The following CDYL variants were observed in gnomAD, a reference collection of about 807,000 sequenced individuals.
CDYL encodes the protein chromodomain Y-like protein.
In CDYL, 8 loss-of-function variants were observed where a neutral mutation model predicts 47.3. The ratio of observed to expected loss-of-function variants is 0.17; its 90% CI spans 0.10 to 0.31. The LOEUF (loss-of-function observed/expected upper bound fraction) is 0.31. Ranked by LOEUF, CDYL falls within the 10% of genes least tolerant of loss-of-function variation. The pLI is 1.00. For missense variants in CDYL, 471 were observed against 701.4 expected, an observed-to-expected ratio of 0.67 and a Z score of 3.71; for synonymous variants, 266 against 265.0, an observed-to-expected ratio of 1.00 and a Z score of -0.04.
chr6:4,717,142 G>C (rs1292018815), intron 2 of CDYL, among the ~76,000 whole-genome samples: 2 of 152,274 alleles, frequency 1.3e-5, no homozygotes, highest in African/African-American at 2.4e-5. Context: ...GGAAGAGGTT[G>C]TCGTGGCTGG....
rs183506956 is a variant in CDYL at position 4,877,411 on chromosome 6, C to T, written c.25-14302C>T. On this transcript the variant is annotated intron_variant, in intron 1 of 6. Coordinates refer to ENST00000397588, the MANE Select transcript of CDYL (RefSeq NM_004824.4). ...TGTGACCTGAGGAACTTTTGCCTTC[C>T]CCAAAGTCACAAGGATGACGTTGGT... Among the ~76,000 whole-genome samples the T allele has an allele frequency of 3.2e-3, 494 of 152,146 alleles. 5 individuals carry two copies. Among genetic ancestry groups the T allele is most frequent in the African/African-American group, 0.011 (472 of 41,502 alleles).
intron 1 of CDYL, among the ~76,000 whole-genome samples, chr6:4,874,355 G>A (rs1630478): frequency 0.1 from 15,328 of 152,056 alleles, 2,572 homozygotes; most frequent in African/African-American, 0.35. Context: ...ACGTTATTCA[G>A]TGTTTCTGTT....
chr6:4,931,341 T>A (rs1396923710), intron 2 of CDYL, among the ~76,000 whole-genome samples: 2 of 152,218 alleles, frequency 1.3e-5, no homozygotes, highest in Non-Finnish European at 1.5e-5. Context: ...TATGAAGTGC[T>A]GATGGCAGGG....
chr6:4,860,037 G>T (rs1412420104), intron 1 of CDYL, among the ~76,000 whole-genome samples: 1 of 151,534 alleles, frequency 6.6e-6, no homozygotes, highest in East Asian at 1.9e-4. Flanking sequence ...AAGTAGCTGG[G>T]ACCACAGGCG....
Position 4,854,395 on chromosome 6 carries a change from A to G in CDYL, c.25-37318A>G, listed in dbSNP as rs539169606. On this transcript the variant is annotated intron_variant, in intron 1 of 6. Transcript: ENST00000397588. Reference sequence around the variant, plus strand: ...ATGTATTTACCCCATCAGATCACCAAGTTTGCACTTGAGGTTTCTCCCCAG... The same window carrying G: ...ATGTATTTACCCCATCAGATCACCAGGTTTGCACTTGAGGTTTCTCCCCAG... Among the ~76,000 whole-genome samples the G allele has an allele frequency of 4.6e-5, 7 of 152,258 alleles. No individual in the cohort carries two copies. The South Asian group carries it at 1.5e-3, about 32-fold the overall frequency.
At chr6:4,867,526 G>A (rs568236459) in intron 1 of CDYL, among the ~76,000 whole-genome samples, 1 of 152,084 alleles carries the variant, frequency 6.6e-6, no homozygotes, top group Non-Finnish European at 1.5e-5. Context: ...TTTTGGTCAT[G>A]AAATGGTGTT....
chr6:4,879,421 A>G (rs1276098025), intron 1 of CDYL, among the ~76,000 whole-genome samples: 1 of 152,106 alleles, frequency 6.6e-6, no homozygotes, highest in African/African-American at 2.4e-5. Context: ...AAATGTCCCT[A>G]TTTATGTCTT....
At chr6:4,754,596 A>G (rs1029160687) in intron 3 of CDYL, among the ~76,000 whole-genome samples, 2 of 152,244 alleles carry the variant, frequency 1.3e-5, no homozygotes. Context: ...AAGAAGGAAT[A>G]TCTGAATATT....
intron 1 of CDYL, among the ~76,000 whole-genome samples, chr6:4,847,020 A>G (rs557738598): frequency 2.6e-5 from 4 of 152,354 alleles, no homozygotes; most frequent in South Asian, 2.1e-4. Flanking sequence ...TATTCTGCAC[A>G]CTACGTTTAC....
At chr6:4,894,750 A>G (rs1478091665) in intron 2 of CDYL, among the ~76,000 whole-genome samples, 1 of 152,004 alleles carries the variant, frequency 6.6e-6, no homozygotes, top group Non-Finnish European at 1.5e-5. Context: ...CATCTGACCT[A>G]CTTGGCTCTT....
rs182062673 is a variant in CDYL, at chr6:4,788,210, C to G, written c.24+11403C>G. On this transcript the variant is annotated intron_variant, in intron 1 of 6. Transcript: ENST00000397588. Reference sequence around the variant, plus strand: ...GAACTGTTTAAAAAGGCTTTTCAGGCTGGGTGTAGTGGCTGGCGCCTGTAA... The same window carrying G: ...GAACTGTTTAAAAAGGCTTTTCAGGGTGGGTGTAGTGGCTGGCGCCTGTAA... Among the ~76,000 whole-genome samples the G allele has an allele frequency of 3.4e-3, 510 of 152,032 alleles. 2 individuals are homozygous for G. The highest frequency in any genetic ancestry group is 0.011 in the African/African-American group (447 of 41,476).
At chr6:4,892,958 C>A (rs1039316793) in intron 2 of CDYL, among the ~76,000 whole-genome samples, 1 of 152,332 alleles carries the variant, frequency 6.6e-6, no homozygotes, top group African/African-American at 2.4e-5. Context: ...TTACTCTCAT[C>A]CCCAGCCCCG....
chr6:4,847,828 C>T (rs927438287), intron 1 of CDYL, among the ~76,000 whole-genome samples: 5 of 152,078 alleles, frequency 3.3e-5, no homozygotes, highest in East Asian at 1.9e-4. Flanking sequence ...GCTCAACAAA[C>T]GAAAGCTGAA....
intron 1 of CDYL, among the ~76,000 whole-genome samples, chr6:4,860,594 T>C (rs924357291): frequency 6.9e-6 from 1 of 144,820 alleles, no homozygotes; most frequent in Non-Finnish European, 1.5e-5. Context: ...ATAATATACA[T>C]ATATATCATA....
At chr6:4,951,829 G>A (rs533930748) in intron 5 of CDYL, among the ~76,000 whole-genome samples, 1 of 152,242 alleles carries the variant, frequency 6.6e-6, no homozygotes, top group South Asian at 2.1e-4. Flanking sequence ...GCCTAACTTT[G>A]CATATGCTGA....
intron 3 of CDYL, among the ~76,000 whole-genome samples, chr6:4,770,049 A>C (rs766736339): frequency 1.3e-5 from 2 of 151,394 alleles, no homozygotes; most frequent in Non-Finnish European, 2.9e-5. Flanking sequence ...GTTAGCCAGG[A>C]TATGGTCTCA....
chr6:4,744,750 G>A (rs1379964259), intron 3 of CDYL, among the ~76,000 whole-genome samples: 4 of 151,918 alleles, frequency 2.6e-5, no homozygotes, highest in Admixed American at 6.6e-5. Context: ...CAAAGTCATA[G>A]CAAATAGCAG....
At chr6:4,832,208 G>A (rs979200168) in intron 1 of CDYL, among the ~76,000 whole-genome samples, 1 of 152,142 alleles carries the variant, frequency 6.6e-6, no homozygotes, top group African/African-American at 2.4e-5. Context: ...TATTGGCTGT[G>A]GGTTTGTCAT....
intron 2 of CDYL, among the ~76,000 whole-genome samples, chr6:4,931,381 G>C (rs1440939935): frequency 6.6e-6 from 1 of 152,184 alleles, no homozygotes; most frequent in Admixed American, 6.5e-5. Context: ...GCCCAAGAAG[G>C]CTTGTCTGAG....
Sources: allele counts gnomAD v4.1 joint callset (sites outside exome capture counted in the v4.1 genomes callset), GRCh38; gene constraint gnomAD v4.1.1; transcripts MANE v1.5; gene names NCBI Gene and HGNC (gene_info 2026-07-23, HGNC 2026-07-21).